The following MAP3K19 variants were observed in gnomAD, a reference collection of about 807,000 sequenced individuals.
MAP3K19 encodes SPS1/STE20-related protein kinase YSK4.
MAP3K19 carries 91 observed loss-of-function variants against 114.4 expected under a neutral mutation model. The ratio of observed to expected loss-of-function variants is 0.80; its 90% CI spans 0.67 to 0.95. The LOEUF (loss-of-function observed/expected upper bound fraction) is 0.95. Among genes scored for constraint, MAP3K19 ranks in the 40% least tolerant of loss-of-function variants. MAP3K19 has a pLI of 0.00. For synonymous variants in MAP3K19, 518 were observed against 530.5 expected (o/e 0.98, Z 0.32); for missense variants, 1,471 against 1,573.2 (o/e 0.94, Z 1.10).
chr2:134,992,810 C>T (rs1351463394), intron 8 of MAP3K19, among the ~76,000 whole-genome samples: 2 of 152,058 alleles, frequency 1.3e-5, no homozygotes, highest in Non-Finnish European at 2.9e-5. Context: ...GCTGGGATTA[C>T]AGGCACCTGC....
intron 1 of MAP3K19, among the ~76,000 whole-genome samples, chr2:135,043,632 A>G (rs1477989475): frequency 6.6e-6 from 1 of 152,200 alleles, no homozygotes; most frequent in Non-Finnish European, 1.5e-5. Flanking sequence ...CCATAGTGTA[A>G]ATTAGGGTTC....
intron 5 of MAP3K19, among the ~76,000 whole-genome samples, chr2:135,016,561 G>T (rs1687596215): frequency 6.6e-6 from 1 of 152,140 alleles, no homozygotes; most frequent in South Asian, 2.1e-4. Flanking sequence ...GCTAGGTTTT[G>T]ATTGGGACTG....
In MAP3K19 at chr2:134,998,970, C is replaced by T; in HGVS notation, c.342G>A (p.Trp114Ter). Residue 114 changes from tryptophan to a stop codon, truncating the protein, a stop_gained, in exon 8 of 13, where the codon TGG becomes TGA. Coordinates refer to ENST00000392915, the MANE Select transcript of MAP3K19 (RefSeq NM_025052.5). LOFTEE classifies it high-confidence loss of function. ...KNLINSSLQE[W>*]AQAHAVSHPN... The stretch of plus-strand genomic sequence containing the variant: ...GATGAGAAACTGCATGTGCTTGTGC[C>T]CATTCTTGAAGCGATGAGTTTATCA... 6.2e-7 allele frequency: 1 copy of T among 1,613,672 alleles called. No individual in the cohort carries two copies. The highest frequency in any genetic ancestry group is 8.5e-7 in the Non-Finnish European group (1 of 1,179,964).
chr2:134,983,962 A>G lies in MAP3K19; in HGVS notation c.3073-137T>C, dbSNP rs573766507. On this transcript the variant is annotated intron_variant, in intron 10 of 12. Coordinates refer to ENST00000392915, the MANE Select transcript of MAP3K19 (RefSeq NM_025052.5). ...TACAGGTAACTTCTAGAGACACATCATTCCCCCAAATGACCACATAGTGTA... is the reference window on the plus strand; with the variant it reads ...TACAGGTAACTTCTAGAGACACATCGTTCCCCCAAATGACCACATAGTGTA... 22 of 569,266 alleles carry G rather than the reference A, an allele frequency of 3.9e-5. No individual in the cohort carries two copies. The African/African-American group carries it at 3.9e-4, about 10-fold the overall frequency. 35.3% of individuals were successfully genotyped at this position (569,266 alleles called of 1,614,324 possible). A position where few individuals can be genotyped will look rare whatever the true frequency, so the allele number is the denominator to read the frequency against.
At chr2:134,996,123 T>G (rs1685968321) in intron 8 of MAP3K19, among the ~76,000 whole-genome samples, 3 of 152,032 alleles carry the variant, frequency 2.0e-5, no homozygotes, top group African/African-American at 7.3e-5. Context: ...AAATTTATTT[T>G]TATATATGTA....
rs1393638225 is a variant in MAP3K19 at position 135,033,697 on chromosome 2, G to A, written c.-283-3197C>T. 2.2e-5 allele frequency among the ~76,000 whole-genome samples: 2 copies of A among 90,228 alleles called. 1 individual carries two copies. Among genetic ancestry groups the A allele is most frequent in the African/African-American group, 1.4e-4 (2 of 14,170 alleles). 59.2% of individuals were successfully genotyped at this position (90,228 alleles called of 152,430 possible). On this transcript the variant is annotated intron_variant, in intron 2 of 12. Transcript: ENST00000392915. ...CCCGGACGGGCGGCCGGCCGGGGGG[G>A]CTAACCCCCCCCACCTCCCTCCCGG...
intron 12 of MAP3K19, among the ~76,000 whole-genome samples, chr2:134,979,167 C>T (rs569638191): frequency 6.6e-5 from 10 of 152,204 alleles, no homozygotes; most frequent in African/African-American, 2.4e-4. Context: ...TCCTCAGGGT[C>T]TTTGCCATAG....
chr2:134,983,972 A>C, intron 10 of MAP3K19, 147 bp from the exon 11 acceptor site: 1 of 554,064 alleles, frequency 1.8e-6, no homozygotes. Context: ...ATTCCCCCAA[A>C]TGACCACATA....
intron 8 of MAP3K19, among the ~76,000 whole-genome samples, chr2:134,994,813 CA>C (rs1685866153): frequency 1.3e-5 from 2 of 152,146 alleles, no homozygotes; most frequent in South Asian, 4.1e-4. Flanking sequence ...CTTTTAGATA[CA>C]AATTCAACTG....
intron 5 of MAP3K19, 131 bp from the exon 6 acceptor site, chr2:135,005,662 A>G: frequency 1.5e-6 from 1 of 675,484 alleles, no homozygotes; most frequent in South Asian, 1.7e-5. Flanking sequence ...TAAAGTATTT[A>G]GGACTAAAAT....
chr2:135,000,660 A>C (rs908727398), intron 6 of MAP3K19, among the ~76,000 whole-genome samples: 1 of 152,234 alleles, frequency 6.6e-6, no homozygotes, highest in Admixed American at 6.5e-5. Flanking sequence ...AACAAGATGC[A>C]GCTGAGGCCC....
At chr2:134,975,528 TG>T (rs1684178881) in intron 12 of MAP3K19, among the ~76,000 whole-genome samples, 1 of 151,872 alleles carries the variant, frequency 6.6e-6, no homozygotes, top group Non-Finnish European at 1.5e-5. Context: ...GTGGGCAGGG[TG>T]GGGTGATCCC....
chr2:135,021,796 A>G lies in MAP3K19; in HGVS notation c.57T>C (p.His19=). The G allele has an allele frequency of 6.2e-7, 1 of 1,610,780 alleles. No homozygotes were observed. Among genetic ancestry groups the G allele is most frequent in the Admixed American group, 1.7e-5 (1 of 59,480 alleles). Residue 19 remains histidine (H), a synonymous_variant, in exon 5 of 13, where the codon CAT becomes CAC. Coordinates refer to ENST00000392915, the MANE Select transcript of MAP3K19 (RefSeq NM_025052.5). ...RHAESLLDIC[H]DTNSSPTDLM... ...AATCAGTTGGAGAAGAGTTTGTATC[A>G]TGACAAATGTCAAGCAATGACTCAG...
Position 134,986,849 on chromosome 2 carries a change from G to C in MAP3K19, c.2023C>G (p.Arg675Gly). The C allele has an allele frequency of 6.2e-7, 1 of 1,614,022 alleles. No individual in the cohort carries two copies. Among genetic ancestry groups the C allele is most frequent in the Non-Finnish European group, 8.5e-7 (1 of 1,180,010 alleles). ...MFGTPVYCHV[R>G]ETERDENTYY... is the part of the protein sequence containing the mutation. The stretch of plus-strand genomic sequence containing the variant: ...GTGTTTTCATCCCTTTCAGTCTCTC[G>C]CACATGACAATAAACAGGGGTCCCA... The change falls in exon 10 of 13, where the codon CGA becomes GGA. Residue 675 changes from arginine to glycine, a missense_variant. Arg to Gly is a moderately radical substitution (Grantham distance 125). Coordinates refer to ENST00000392915, the MANE Select transcript of MAP3K19 (RefSeq NM_025052.5).
In MAP3K19 at chr2:134,968,514, G is replaced by A. The variant is rs1475367395; in HGVS notation, c.3921-3598C>T. Among the ~76,000 whole-genome samples the A allele has an allele frequency of 1.8e-4, 24 of 133,884 alleles. 1 individual carries two copies. The highest frequency in any genetic ancestry group is 5.8e-4 in the African/African-American group (21 of 36,462). 87.8% of individuals were successfully genotyped at this position (133,884 alleles called of 152,430 possible). On this transcript the variant is annotated intron_variant, in intron 12 of 12. Coordinates refer to ENST00000392915, the MANE Select transcript of MAP3K19 (RefSeq NM_025052.5). The stretch of plus-strand genomic sequence containing the variant: ...CTGACCCCCCACCTCCCTCCCGGAC[G>A]GGGTGGCTGCCGGGCGGAGACGCTC...
At chr2:135,042,725 C>T (rs1688671315) in intron 1 of MAP3K19, among the ~76,000 whole-genome samples, 3 of 151,796 alleles carry the variant, frequency 2.0e-5, no homozygotes, top group Non-Finnish European at 4.4e-5. Context: ...TTCAGCAGTG[C>T]GTTTTAGGAA....
At chr2:134,980,594 T>G in intron 12 of MAP3K19, 1 of 518,168 alleles carries the variant, frequency 1.9e-6, no homozygotes, top group Non-Finnish European at 3.5e-6. Context: ...TGATAAGACA[T>G]TTAATTGAGG....
chr2:134,983,802 T>A lies in MAP3K19; in HGVS notation c.3096A>T (p.Ile1032=). 2 of 1,595,572 alleles carry A rather than the reference T, an allele frequency of 1.3e-6. No homozygotes were observed. Among genetic ancestry groups the A allele is most frequent in the Non-Finnish European group, 1.7e-6 (2 of 1,173,340 alleles). The change falls in exon 11 of 13, where the codon ATA becomes ATT. Residue 1032 remains isoleucine (I), a synonymous_variant. Transcript: ENST00000392915. ...KIQRHSSGLR[I]YDREEKFLIS... ...TGAGAAATTTCTCCTCCCTGTCATA[T>A]ATCCTGAGCCCACTACTATGCCTCT...
intron 2 of MAP3K19, among the ~76,000 whole-genome samples, chr2:135,034,851 GGGGGAGGGGGA>G: frequency 2.2e-5 from 2 of 91,242 alleles, no homozygotes; most frequent in Non-Finnish European, 2.5e-5. Context: ...GGGAGGGGGA[GGGGGAGGGGGA>G]GAGGGAGAGG....
Sources: allele counts gnomAD v4.1 joint callset (sites outside exome capture counted in the v4.1 genomes callset), GRCh38; gene constraint gnomAD v4.1.1; transcripts MANE v1.5; gene names NCBI Gene and HGNC (gene_info 2026-07-23, HGNC 2026-07-21).